IL1RAPL2: variants seen among roughly 807,000 people sequenced by gnomAD.
The protein encoded by IL1RAPL2 is interleukin 1 receptor accessory protein like 2, also known as X-linked interleukin-1 receptor accessory protein-like 2.
Under a neutral mutation model 44.1 loss-of-function variants are expected in IL1RAPL2, and 3 were observed. The observed-to-expected ratio is 0.07, with a 90% CI of 0.03 to 0.18. The LOEUF (loss-of-function observed/expected upper bound fraction) is 0.18, where lower values mean the gene tolerates loss of function less well. IL1RAPL2 is among the 10% of genes least tolerant of loss of function. IL1RAPL2 has a pLI of 1.00. For synonymous variants in IL1RAPL2, 181 were observed against 178.8 expected, an observed-to-expected ratio of 1.01 and a Z score of -0.10; for missense variants, 391 against 496.4, an observed-to-expected ratio of 0.79 and a Z score of 2.02.
At chrX:105,722,426 T>C (rs1312627496) in intron 7 of IL1RAPL2, among the ~76,000 whole-genome samples, 1 of 111,631 alleles carries the variant, frequency 9.0e-6, no homozygotes, top group African/African-American at 3.3e-5. Context: ...TAACCATGTC[T>C]TCTAGCCTCC....
chrX:105,533,152 T>C lies in IL1RAPL2; in HGVS notation c.772+48765T>C, dbSNP rs559817643. Among the ~76,000 whole-genome samples, 53 of 111,013 alleles carry C rather than the reference T, an allele frequency of 4.8e-4. 1 individual carries two copies. In the South Asian group the frequency reaches 0.02, roughly 42 times the overall value. ...TTGCAGTGAGCAGAGAGCATGCCAC[T>C]GCACTCCAGCCTGGGCGACAGCGCA... On this transcript the variant is annotated intron_variant, in intron 6 of 10. Coordinates refer to ENST00000372582, the MANE Select transcript of IL1RAPL2 (RefSeq NM_017416.2).
intron 1 of IL1RAPL2, among the ~76,000 whole-genome samples, chrX:104,600,975 C>A (rs768869502): frequency 7.2e-5 from 8 of 111,512 alleles, no homozygotes; most frequent in Non-Finnish European, 1.5e-4. Context: ...CTGCAATGAA[C>A]ATGTGAATTC....
chrX:104,954,409 T>C (rs978722601), intron 2 of IL1RAPL2, among the ~76,000 whole-genome samples: 1 of 112,866 alleles, frequency 8.9e-6, no homozygotes, highest in African/African-American at 3.2e-5. Context: ...GCTAGAAATA[T>C]AGTGACACAC....
At chrX:104,947,089 C>G (rs1445101889) in intron 2 of IL1RAPL2, among the ~76,000 whole-genome samples, 3 of 111,036 alleles carry the variant, frequency 2.7e-5, no homozygotes, top group Non-Finnish European at 3.8e-5. Context: ...TGTTTCCTGA[C>G]TTTTTAATGA....
intron 4 of IL1RAPL2, among the ~76,000 whole-genome samples, chrX:105,253,408 T>G (rs1265705411): frequency 9.0e-6 from 1 of 111,579 alleles, no homozygotes; most frequent in Non-Finnish European, 1.9e-5. Context: ...CTTGAGATTA[T>G]TTTTAAGAGC....
At chrX:104,918,974 C>G (rs1354120887) in intron 2 of IL1RAPL2, among the ~76,000 whole-genome samples, 2 of 111,654 alleles carry the variant, frequency 1.8e-5, no homozygotes, top group African/African-American at 3.3e-5. Flanking sequence ...AAGAACCAAA[C>G]TACTGGAAAG....
chrX:104,746,448 A>G (rs760141956), intron 2 of IL1RAPL2, among the ~76,000 whole-genome samples: 10 of 111,888 alleles, frequency 8.9e-5, no homozygotes, highest in Non-Finnish European at 1.9e-4. Flanking sequence ...TTCCAAATGT[A>G]GCAAAAATAC....
chrX:105,333,645 A>G (rs1186190778), intron 5 of IL1RAPL2, among the ~76,000 whole-genome samples: 1 of 112,040 alleles, frequency 8.9e-6, no homozygotes. Flanking sequence ...CAGAATATAT[A>G]ACAAGTTCAA....
At chrX:104,870,650 T>A (rs967101694) in intron 2 of IL1RAPL2, among the ~76,000 whole-genome samples, 36 of 111,742 alleles carry the variant, frequency 3.2e-4, no homozygotes, top group Admixed American at 4.8e-4. Context: ...ATACCCTGCA[T>A]TCTTTGTAAC....
intron 2 of IL1RAPL2, among the ~76,000 whole-genome samples, chrX:104,890,649 G>A (rs1479455820): frequency 5.4e-5 from 6 of 111,969 alleles, no homozygotes; most frequent in Non-Finnish European, 1.1e-4. Context: ...GGGATTGTCT[G>A]TTTTTTTCTT....
chrX:105,490,018 G>A (rs1239721890), intron 6 of IL1RAPL2, among the ~76,000 whole-genome samples: 2 of 109,858 alleles, frequency 1.8e-5, no homozygotes, highest in Non-Finnish European at 3.8e-5. Context: ...AGTAGACATT[G>A]GGTTTCGCTG....
At chrX:105,705,526 G>A (rs1181640499) in intron 6 of IL1RAPL2, among the ~76,000 whole-genome samples, 2 of 110,782 alleles carry the variant, frequency 1.8e-5, no homozygotes, top group Admixed American at 9.7e-5. Flanking sequence ...GTAGAGAGAT[G>A]GGTGTAACAG....
intron 4 of IL1RAPL2, among the ~76,000 whole-genome samples, chrX:105,239,002 T>TTTGGA (rs1279317726): frequency 9.1e-6 from 1 of 110,227 alleles, no homozygotes; most frequent in Non-Finnish European, 1.9e-5. Context: ...ATACCAAGAG[T>TTTGGA]TTGGAGTATG....
intron 2 of IL1RAPL2, among the ~76,000 whole-genome samples, chrX:104,893,867 G>T (rs920394980): frequency 8.0e-5 from 9 of 112,056 alleles, no homozygotes; most frequent in African/African-American, 2.6e-4. Flanking sequence ...AATTGATGCA[G>T]TTTCTTCCTA....
At chrX:105,599,788 C>A (rs916572918) in intron 6 of IL1RAPL2, among the ~76,000 whole-genome samples, 1 of 110,637 alleles carries the variant, frequency 9.0e-6, no homozygotes, top group African/African-American at 3.3e-5. Context: ...GTAACTTTGG[C>A]GTAGTCCTTG....
intron 6 of IL1RAPL2, among the ~76,000 whole-genome samples, chrX:105,489,688 TTC>T (rs1171984950): frequency 9.1e-6 from 1 of 109,588 alleles, no homozygotes; most frequent in East Asian, 2.9e-4. Flanking sequence ...TTCTTTTTCT[TTC>T]TTTCTTTCTT....
intron 5 of IL1RAPL2, among the ~76,000 whole-genome samples, chrX:105,353,594 C>T (rs2035175816): frequency 9.0e-6 from 1 of 111,341 alleles, no homozygotes; most frequent in African/African-American, 3.3e-5. Context: ...TGTTTGTATC[C>T]TCTTTTATTT....
At chrX:105,423,126 C>A (rs181960269) in intron 5 of IL1RAPL2, among the ~76,000 whole-genome samples, 2 of 111,183 alleles carry the variant, frequency 1.8e-5, no homozygotes, top group Admixed American at 9.6e-5. Context: ...GAACACATAG[C>A]AATAACATAT....
chrX:104,611,271 C>A (rs1018014144), intron 1 of IL1RAPL2, among the ~76,000 whole-genome samples: 1 of 111,333 alleles, frequency 9.0e-6, no homozygotes, highest in Admixed American at 9.5e-5. Flanking sequence ...GCACCTTCCC[C>A]CAGGTGCTCT....
Sources: allele counts gnomAD v4.1 joint callset (sites outside exome capture counted in the v4.1 genomes callset), GRCh38; gene constraint gnomAD v4.1.1; transcripts MANE v1.5; gene names NCBI Gene and HGNC (gene_info 2026-07-23, HGNC 2026-07-21).